EPC2: variants seen among roughly 807,000 people sequenced by gnomAD.
EPC2 encodes enhancer of polycomb homolog 2.
In EPC2, 14 loss-of-function variants were observed where a neutral mutation model predicts 92.1. That is an observed-to-expected ratio of 0.15 (90% confidence interval 0.10 to 0.24). EPC2 has a LOEUF of 0.24. EPC2 is among the 10% of genes least tolerant of loss of function. The probability of loss-of-function intolerance (pLI) is 1.00; values close to 1 mark genes in which losing one functional copy is unlikely to be tolerated. For missense variants in EPC2, 755 were observed against 971.5 expected (o/e 0.78, Z 2.96); for synonymous variants, 340 against 334.7 (o/e 1.02, Z -0.17).
At chr2:148,748,831 G>A (rs1056662366) in intron 3 of EPC2, among the ~76,000 whole-genome samples, 1 of 151,940 alleles carries the variant, frequency 6.6e-6, no homozygotes, top group Non-Finnish European at 1.5e-5. Context: ...AATTGATTTT[G>A]GAGCATTTCA....
intron 2 of EPC2, among the ~76,000 whole-genome samples, chr2:148,733,478 G>GTT (rs1240755311): frequency 4.6e-5 from 3 of 65,378 alleles, no homozygotes; most frequent in Non-Finnish European, 6.0e-5. Context: ...TCTCTCTCTG[G>GTT]ATTTTTTTTT....
intron 1 of EPC2, among the ~76,000 whole-genome samples, chr2:148,686,163 A>G (rs1468834993): frequency 6.6e-6 from 1 of 152,220 alleles, no homozygotes; most frequent in Non-Finnish European, 1.5e-5. Flanking sequence ...CTGCTTATCA[A>G]CTTTGTATAA....
chr2:148,727,918 A>G (rs1262737542), intron 2 of EPC2, among the ~76,000 whole-genome samples: 2 of 152,204 alleles, frequency 1.3e-5, no homozygotes, highest in Admixed American at 1.3e-4. Flanking sequence ...CCCCTCCTTT[A>G]TAAGTGACCA....
At chr2:148,681,259 T>C (rs780769179) in intron 1 of EPC2, among the ~76,000 whole-genome samples, 1 of 150,804 alleles carries the variant, frequency 6.6e-6, no homozygotes, top group South Asian at 2.1e-4. Context: ...ATAAAAGAGA[T>C]TTTTTTTTTC....
chr2:148,657,244 G>C (rs963668568), intron 1 of EPC2, among the ~76,000 whole-genome samples: 4 of 152,056 alleles, frequency 2.6e-5, no homozygotes, highest in African/African-American at 9.7e-5. Flanking sequence ...CTTAATTTTG[G>C]CTTAAAGTGA....
intron 1 of EPC2, among the ~76,000 whole-genome samples, chr2:148,686,414 C>T (rs1181018363): frequency 1.3e-5 from 2 of 152,196 alleles, no homozygotes; most frequent in Admixed American, 1.3e-4. Context: ...TCTTGAACTC[C>T]TCAAAGTCAT....
In EPC2 at chr2:148,673,013, C is replaced by G. The variant is rs1293166127; in HGVS notation, c.154-17201C>G. On this transcript the variant is annotated intron_variant, in intron 1 of 13. Transcript: ENST00000258484. ...CTCTCAGTCCTTTGGATATATTACT[C>G]TGTTTCCTGAGCTGTAACGTTTCTG... Among the ~76,000 whole-genome samples the G allele has an allele frequency of 3.3e-5, 5 of 152,118 alleles. No homozygotes were observed. The East Asian group carries it at 9.6e-4, about 29-fold the overall frequency.
intron 12 of EPC2, among the ~76,000 whole-genome samples, 188 bp downstream of exon 12, chr2:148,783,944 G>C (rs538367662): frequency 1.2e-4 from 19 of 152,276 alleles, no homozygotes; most frequent in Admixed American, 2.6e-4. Context: ...TCTACTCCTT[G>C]TTTTCTCCCT....
intron 1 of EPC2, among the ~76,000 whole-genome samples, chr2:148,658,679 A>G (rs1486347840): frequency 6.6e-6 from 1 of 150,806 alleles, no homozygotes; most frequent in African/African-American, 2.4e-5. Flanking sequence ...AATTTTGGTC[A>G]TGAGCTACTA....
chr2:148,761,474 A>G (rs996617385), intron 4 of EPC2, among the ~76,000 whole-genome samples: 3 of 152,044 alleles, frequency 2.0e-5, no homozygotes, highest in African/African-American at 7.2e-5. Flanking sequence ...AATGGACTAC[A>G]TTTTCTGATA....
chr2:148,659,439 G>A (rs2105354061), intron 1 of EPC2, among the ~76,000 whole-genome samples: 1 of 152,232 alleles, frequency 6.6e-6, no homozygotes, highest in East Asian at 1.9e-4. Flanking sequence ...TGAGAAATCT[G>A]AGGAGGTATT....
Position 148,761,729 on chromosome 2 carries a change from G to A in EPC2, c.667-53G>A, listed in dbSNP as rs16829242. 3,686 of 1,258,158 alleles carry A rather than the reference G, an allele frequency of 2.9e-3. 97 individuals carry two copies. In the African/African-American group the frequency reaches 0.052, roughly 18 times the overall value. 77.9% of individuals were successfully genotyped at this position (1,258,158 alleles called of 1,614,324 possible). Reference sequence around the variant, plus strand: ...TGATAAGAGTTTATTGAATAAAGCCGGAAATGTAGATAACTGTGTTGTTTA... The same window carrying A: ...TGATAAGAGTTTATTGAATAAAGCCAGAAATGTAGATAACTGTGTTGTTTA... On this transcript the variant is annotated intron_variant, in intron 4 of 13. Coordinates refer to ENST00000258484, the MANE Select transcript of EPC2 (RefSeq NM_015630.4).
intron 1 of EPC2, among the ~76,000 whole-genome samples, chr2:148,679,437 A>C (rs1681344868): frequency 6.6e-6 from 1 of 152,242 alleles, no homozygotes; most frequent in Non-Finnish European, 1.5e-5. Flanking sequence ...ACATGATTGC[A>C]GAGGCTCTCT....
At chr2:148,713,125 G>C (rs1380250463) in intron 2 of EPC2, among the ~76,000 whole-genome samples, 4 of 152,190 alleles carry the variant, frequency 2.6e-5, no homozygotes, top group Non-Finnish European at 5.9e-5. Context: ...CGTTATGTTA[G>C]AATGTATTTC....
chr2:148,753,935 A>G lies in EPC2; in HGVS notation c.468A>G (p.Thr156=). ...TTGTATTTTTCATTTAGCTTGTAAC[A>G]CTTCAAGAAGCAAAACTGCTGCTAA... ...LEKASSNQLV[T]LQEAKLLLNE... The change falls in exon 4 of 14, where the codon ACA becomes ACG. Residue 156 remains threonine (T), a synonymous_variant. Coordinates refer to ENST00000258484, the MANE Select transcript of EPC2 (RefSeq NM_015630.4). 1.2e-6 allele frequency: 2 copies of G among 1,609,172 alleles called. No individual in the cohort carries two copies. Among genetic ancestry groups the G allele is most frequent in the Non-Finnish European group, 8.5e-7 (1 of 1,177,618 alleles).
chr2:148,649,912 A>G (rs1369640941), intron 1 of EPC2, among the ~76,000 whole-genome samples: 1 of 152,148 alleles, frequency 6.6e-6, no homozygotes, highest in Non-Finnish European at 1.5e-5. Flanking sequence ...TTTTTTCATT[A>G]CTTAATTTGG....
intron 2 of EPC2, among the ~76,000 whole-genome samples, chr2:148,693,317 A>C (rs770130520): frequency 6.6e-6 from 1 of 152,146 alleles, no homozygotes; most frequent in Non-Finnish European, 1.5e-5. Flanking sequence ...CAGGTTCATC[A>C]CATACTTGCC....
At chr2:148,645,387 C>G (rs1683774668) in intron 1 of EPC2, 8 of 486,842 alleles carry the variant, frequency 1.6e-5, no homozygotes, top group Non-Finnish European at 2.6e-5. Context: ...TTGTGATTAG[C>G]TCGCAGCGCT....
chr2:148,723,816 G>T (rs1231211731), intron 2 of EPC2, among the ~76,000 whole-genome samples: 1 of 151,984 alleles, frequency 6.6e-6, no homozygotes, highest in Admixed American at 6.6e-5. Context: ...AATTTCTTCT[G>T]ATTGAGACAA....
Sources: allele counts gnomAD v4.1 joint callset (sites outside exome capture counted in the v4.1 genomes callset), GRCh38; gene constraint gnomAD v4.1.1; transcripts MANE v1.5; gene names NCBI Gene and HGNC (gene_info 2026-07-23, HGNC 2026-07-21).